Variants in SLC29A4 observed in about 807,000 individuals in gnomAD.
The protein encoded by SLC29A4 is equilibrative nucleoside transporter 4.
SLC29A4 carries 36 observed loss-of-function variants against 43.9 expected under a neutral mutation model. That is an observed-to-expected ratio of 0.82 (90% confidence interval 0.63 to 1.08). The LOEUF is 1.08. Among genes scored for constraint, SLC29A4 ranks in the 50% least tolerant of loss-of-function variants. SLC29A4 has a pLI of 0.00. For synonymous variants in SLC29A4, 491 were observed against 338.0 expected (o/e 1.45, Z -4.97); for missense variants, 869 against 755.3 (o/e 1.15, Z -1.77).
intron 1 of SLC29A4, among the ~76,000 whole-genome samples, chr7:5,283,861 G>C (rs73050069): frequency 0.28 from 43,170 of 152,166 alleles, 6,256 homozygotes; most frequent in East Asian, 0.4. Context: ...CGGTTCCCCT[G>C]GTCCTTCCTG....
intron 7 of SLC29A4, among the ~76,000 whole-genome samples, chr7:5,297,864 A>G (rs1399919335): frequency 6.6e-6 from 1 of 152,096 alleles, no homozygotes; most frequent in African/African-American, 2.4e-5. Context: ...GCACAGAGGC[A>G]CTGCCCCTAC....
At chr7:5,285,723 C>G (rs1246795243) in intron 1 of SLC29A4, among the ~76,000 whole-genome samples, 1 of 152,174 alleles carries the variant, frequency 6.6e-6, no homozygotes, top group Non-Finnish European at 1.5e-5. Context: ...CAGAGAAAAT[C>G]AGGATGGGCT....
chr7:5,303,847 CCAGAA>C lies in SLC29A4; in HGVS notation c.*911_*915del, dbSNP rs1786340694. 1 of 152,196 alleles carries C rather than the reference CCAGAA, an allele frequency of 6.6e-6. No individual in the cohort carries two copies. The highest frequency in any genetic ancestry group is 6.6e-5 in the Admixed American group (1 of 15,266). 9.4% of individuals were successfully genotyped at this position (152,196 alleles called of 1,614,324 possible). A position where few individuals can be genotyped will look rare whatever the true frequency, so the allele number is the denominator to read the frequency against. On this transcript the variant is annotated 3_prime_UTR_variant, in exon 11 of 11. Transcript: ENST00000396872. ...TGGGGGTCAGTCCAGCCCGGGCCTCCCAGAACACCAGGCCCGTGTGGGTGGCACCC... is the reference window on the plus strand; with the variant it reads ...TGGGGGTCAGTCCAGCCCGGGCCTCCCACCAGGCCCGTGTGGGTGGCACCC...
intron 1 of SLC29A4, among the ~76,000 whole-genome samples, chr7:5,285,358 C>T (rs539844838): frequency 5.3e-5 from 8 of 151,584 alleles, no homozygotes; most frequent in South Asian, 2.1e-4. Context: ...AGGGGAGACA[C>T]GCTGGGCTTC....
chr7:5,288,021 C>T (rs763383014), intron 2 of SLC29A4, 36 bp downstream of exon 2: 47 of 1,575,194 alleles, frequency 3.0e-5, no homozygotes, highest in South Asian at 4.7e-5. Flanking sequence ...GGGTCTTGCC[C>T]CAAAGCAGGC....
In SLC29A4 at chr7:5,306,887, A is replaced by AG. The variant is rs1786567144; in HGVS notation, c.*3948_*3949insG. 1 of 150,972 alleles carries AG rather than the reference A, an allele frequency of 6.6e-6. No individual in the cohort carries two copies. The highest frequency in any genetic ancestry group is 1.5e-5 in the Non-Finnish European group (1 of 67,766). The allele number at this position is 150,972 out of a possible 1,614,324, so 9.4% of individuals were successfully genotyped here. A position where few individuals can be genotyped will look rare whatever the true frequency, so the allele number is the denominator to read the frequency against. ...ATTCCAAAAGAAACATAAAAAAAAA[A>AG]ACCAATAATTCCCCCAAAAAACAAA... On this transcript the variant is annotated 3_prime_UTR_variant, in exon 11 of 11. Coordinates refer to ENST00000396872, the MANE Select transcript of SLC29A4 (RefSeq NM_153247.4).
At chr7:5,292,314 G>T (rs111488498) in intron 5 of SLC29A4, among the ~76,000 whole-genome samples, 2 of 152,246 alleles carry the variant, frequency 1.3e-5, no homozygotes, top group Non-Finnish European at 2.9e-5. Context: ...GGATCTCTCT[G>T]TGTTGCCCAG....
In SLC29A4 at chr7:5,306,235, C is replaced by T. The variant is rs1043039983; in HGVS notation, c.*3296C>T. ...TTTTTTTGAGACAATCTCTGTCACC[C>T]CCAGGCCAGAGTGCAGTGGTGCGAT... is the stretch of plus-strand genomic sequence containing the variant. On this transcript the variant is annotated 3_prime_UTR_variant, in exon 11 of 11. Coordinates refer to ENST00000396872, the MANE Select transcript of SLC29A4 (RefSeq NM_153247.4). The T allele has an allele frequency of 9.0e-5, 13 of 144,536 alleles. No individual in the cohort carries two copies. Among genetic ancestry groups the T allele is most frequent in the Admixed American group, 8.5e-4 (12 of 14,048 alleles). 9.0% of individuals were successfully genotyped at this position (144,536 alleles called of 1,614,324 possible).
In SLC29A4 at chr7:5,295,303, C is replaced by T. The variant is rs573818738; in HGVS notation, c.619+369C>T. Among the ~76,000 whole-genome samples the T allele has an allele frequency of 1.6e-4, 25 of 152,236 alleles. 1 individual carries two copies. In the South Asian group the frequency reaches 5.2e-3, roughly 32 times the overall value. On this transcript the variant is annotated intron_variant, in intron 6 of 10. Transcript: ENST00000396872. Reference sequence around the variant, plus strand: ...CATGGCCGTGATGTCATGCACATCACACCATGCCTACAGCACCGCGCTCTC... The same window carrying T: ...CATGGCCGTGATGTCATGCACATCATACCATGCCTACAGCACCGCGCTCTC...
At chr7:5,298,379 C>T (rs1004159641) in intron 7 of SLC29A4, among the ~76,000 whole-genome samples, 7 of 152,032 alleles carry the variant, frequency 4.6e-5, no homozygotes, top group East Asian at 3.9e-4. Flanking sequence ...GGAGGAGCTC[C>T]GTGTGTTTGG....
intron 2 of SLC29A4, among the ~76,000 whole-genome samples, chr7:5,290,115 G>A (rs181437140): frequency 5.2e-4 from 78 of 149,002 alleles, no homozygotes; most frequent in African/African-American, 1.9e-3. Flanking sequence ...GTGCAGTGGC[G>A]CGATCTCGGC....
In SLC29A4 at chr7:5,297,206, C is replaced by G. The variant is rs73332861; in HGVS notation, c.882+8C>G. ...GCCGGGGACGTCCACTTCGTAAGTG[C>G]GCACCGCCCACCTCTGTTCCCTTCT... is the stretch of plus-strand genomic sequence containing the variant. On this transcript the variant is annotated splice_region_variant and intron_variant, in intron 7 of 10. Transcript: ENST00000396872. 1.3e-6 allele frequency: 2 copies of G among 1,575,658 alleles called. No homozygotes were observed. Among genetic ancestry groups the G allele is most frequent in the East Asian group, 2.2e-5 (1 of 44,472 alleles).
chr7:5,290,729 T>C lies in SLC29A4; in HGVS notation c.170-3T>C. On this transcript the variant is annotated splice_region_variant and splice_polypyrimidine_tract_variant and intron_variant, in intron 2 of 10. Transcript: ENST00000396872. Reference sequence around the variant, plus strand: ...CCGTCTCACCTGGTGTCTCTGGCTTTAGCATTGGACGAGCCAGTGCCCGAT... The same window carrying C: ...CCGTCTCACCTGGTGTCTCTGGCTTCAGCATTGGACGAGCCAGTGCCCGAT... 13 of 1,606,384 alleles carry C rather than the reference T, an allele frequency of 8.1e-6. No individual in the cohort carries two copies. The highest frequency in any genetic ancestry group is 1.0e-5 in the Non-Finnish European group (12 of 1,174,416).
intron 5 of SLC29A4, 117 bp from the exon 6 acceptor site, chr7:5,294,743 G>A: frequency 1.0e-6 from 1 of 963,514 alleles, no homozygotes; most frequent in East Asian, 2.4e-5. Flanking sequence ...TCTGCCATTA[G>A]TGGTGTTAAC....
Position 5,305,997 on chromosome 7 carries a change from C to G in SLC29A4, c.*3058C>G, listed in dbSNP as rs893959234. Reference sequence around the variant, plus strand: ...AAGTAGCTGGGATTACAGGCACGCTCCACCACACCCGGCTAATTTTTTTGT... The same window carrying G: ...AAGTAGCTGGGATTACAGGCACGCTGCACCACACCCGGCTAATTTTTTTGT... On this transcript the variant is annotated 3_prime_UTR_variant, in exon 11 of 11. Coordinates refer to ENST00000396872, the MANE Select transcript of SLC29A4 (RefSeq NM_153247.4). 2 of 152,044 alleles carry G rather than the reference C, an allele frequency of 1.3e-5. No individual in the cohort carries two copies. The highest frequency in any genetic ancestry group is 2.9e-5 in the Non-Finnish European group (2 of 68,056). 9.4% of individuals were successfully genotyped at this position (152,044 alleles called of 1,614,324 possible).
intron 1 of SLC29A4, among the ~76,000 whole-genome samples, chr7:5,286,021 CAAAA>C (rs1234157485): frequency 6.6e-6 from 1 of 151,002 alleles, no homozygotes; most frequent in African/African-American, 2.4e-5. Flanking sequence ...GAAAAAAAAA[CAAAA>C]AACAAAAAAA....
rs1164798442 is a variant in SLC29A4, at chr7:5,306,257, C to T, written c.*3318C>T. On this transcript the variant is annotated 3_prime_UTR_variant, in exon 11 of 11. Transcript: ENST00000396872. The stretch of plus-strand genomic sequence containing the variant: ...ACCCCCAGGCCAGAGTGCAGTGGTG[C>T]GATCTCAACTCACTGCAACCTCCAC... The T allele has an allele frequency of 1.6e-5, 2 of 125,512 alleles. No homozygotes were observed. Among genetic ancestry groups the T allele is most frequent in the Non-Finnish European group, 3.1e-5 (2 of 64,206 alleles). The allele number at this position is 125,512 out of a possible 1,614,324, so 7.8% of individuals were successfully genotyped here.
rs760363818 is a variant in SLC29A4, at chr7:5,291,216, C to G, written c.394C>G (p.Leu132Val). Residue 132 changes from leucine to valine, a missense_variant, in exon 4 of 11, where the codon CTG becomes GTG. By Grantham distance (32) the Leu-to-Val change is conservative. Coordinates refer to ENST00000396872, the MANE Select transcript of SLC29A4 (RefSeq NM_153247.4). ...LNNVLVERLT[L>V]HTRITAGYLL... ...CAACGTCCTGGTGGAGAGACTGACC[C>G]TGCACACCAGGATCACCGCAGGTGC... 1.2e-6 allele frequency: 2 copies of G among 1,612,860 alleles called. No homozygotes were observed. The highest frequency in any genetic ancestry group is 1.1e-5 in the South Asian group (1 of 91,042).
rs757617458 is a variant in SLC29A4 at position 5,296,955 on chromosome 7, C to G, written c.639C>G (p.Ile213Met). The change falls in exon 7 of 11, where the codon ATC becomes ATG. Residue 213 changes from isoleucine (I) to methionine (M), a missense_variant. Ile to Met is a conservative substitution (Grantham distance 10). Coordinates refer to ENST00000396872, the MANE Select transcript of SLC29A4 (RefSeq NM_153247.4). ...MTGESTAGVM[I>M]SLSRILTKLL... is the part of the protein sequence containing the mutation. ...CCCCAGGCACGGCGGGCGTGATGAT[C>G]TCTCTGAGCCGCATCCTCACGAAGC... 5 of 1,575,132 alleles carry G rather than the reference C, an allele frequency of 3.2e-6. No homozygotes were observed. The East Asian group carries it at 6.7e-5, about 21-fold the overall frequency.
Sources: gnomAD v4.1 joint callset for allele counts (sites outside exome capture counted in the v4.1 genomes callset) on GRCh38, gnomAD v4.1.1 for gene constraint, MANE v1.5 for transcripts, NCBI Gene and HGNC (gene_info 2026-07-23, HGNC 2026-07-21) for gene names.